The following TCF7L2 variants were observed in gnomAD, a reference collection of about 807,000 sequenced individuals.
The protein encoded by TCF7L2 is transcription factor 7 like 2.
A neutral mutation model predicts 77.9 loss-of-function variants in TCF7L2; 23 were observed. The observed-to-expected ratio is 0.30, with a 90% confidence interval of 0.21 to 0.42. TCF7L2 has a LOEUF of 0.42. Ranked by LOEUF, TCF7L2 falls within the 10% of genes least tolerant of loss-of-function variation. TCF7L2 has a pLI of 1.00. For missense variants in TCF7L2, 654 were observed against 793.1 expected (o/e 0.82, Z 2.11); for synonymous variants, 413 against 340.2 (o/e 1.21, Z -2.36).
intron 8 of TCF7L2, among the ~76,000 whole-genome samples, chr10:113,149,057 T>C (rs1021052778): frequency 3.3e-5 from 5 of 152,184 alleles, no homozygotes; most frequent in African/African-American, 1.2e-4. Context: ...AGGGAACATA[T>C]GTATTTGAGG....
intron 4 of TCF7L2, among the ~76,000 whole-genome samples, chr10:113,023,946 C>T (rs1379459223): frequency 1.3e-5 from 2 of 151,894 alleles, no homozygotes; most frequent in Non-Finnish European, 2.9e-5. Flanking sequence ...GCGTGAGCCA[C>T]TGCGACTTGC....
At chr10:113,038,281 G>A (rs2051721736) in intron 4 of TCF7L2, among the ~76,000 whole-genome samples, 1 of 152,124 alleles carries the variant, frequency 6.6e-6, no homozygotes, top group African/African-American at 2.4e-5. Flanking sequence ...CTGAAGCAAG[G>A]GGAGTCGATG....
chr10:113,154,549 A>G (rs2071444597), intron 11 of TCF7L2, among the ~76,000 whole-genome samples: 1 of 152,098 alleles, frequency 6.6e-6, no homozygotes, highest in African/African-American at 2.4e-5. Context: ...TGCCCCCTGG[A>G]GTTGTGCAGG....
intron 5 of TCF7L2, among the ~76,000 whole-genome samples, chr10:113,051,903 C>A (rs1241033780): frequency 6.6e-6 from 1 of 152,026 alleles, no homozygotes; most frequent in Admixed American, 6.6e-5. Context: ...GAAATACTGC[C>A]CTTTTAGTTG....
intron 5 of TCF7L2, among the ~76,000 whole-genome samples, chr10:113,113,338 C>A (rs2063353600): frequency 6.6e-6 from 1 of 152,158 alleles, no homozygotes; most frequent in Non-Finnish European, 1.5e-5. Flanking sequence ...TATAACTTAC[C>A]AAAGCAACTT....
intron 11 of TCF7L2, among the ~76,000 whole-genome samples, chr10:113,153,486 C>T (rs973912540): frequency 1.3e-5 from 2 of 152,220 alleles, no homozygotes; most frequent in Admixed American, 1.3e-4. Flanking sequence ...GACTCTCCCA[C>T]TGGCATCATC....
chr10:113,082,228 C>T (rs934256186), intron 5 of TCF7L2, among the ~76,000 whole-genome samples: 1 of 151,768 alleles, frequency 6.6e-6, no homozygotes, highest in African/African-American at 2.4e-5. Context: ...CCAGTAAAGC[C>T]TTGACCTTCA....
intron 5 of TCF7L2, among the ~76,000 whole-genome samples, chr10:113,044,924 G>T (rs942396429): frequency 1.2e-4 from 19 of 152,276 alleles, no homozygotes; most frequent in Non-Finnish European, 2.4e-4. Context: ...TGTTTCTGTA[G>T]GAGCGTGTGT....
intron 4 of TCF7L2, among the ~76,000 whole-genome samples, chr10:112,971,823 G>C (rs2134912669): frequency 6.6e-6 from 1 of 151,926 alleles, no homozygotes; most frequent in African/African-American, 2.4e-5. Context: ...ATGTTGGCCA[G>C]GCTAGTCTCA....
At chr10:113,025,031 T>C (rs1041703790) in intron 4 of TCF7L2, among the ~76,000 whole-genome samples, 1 of 152,100 alleles carries the variant, frequency 6.6e-6, no homozygotes, top group Non-Finnish European at 1.5e-5. Context: ...GTGTAGACTT[T>C]TCCACTTGTG....
Position 113,082,597 on chromosome 10 carries a change from T to TTGTG in TCF7L2, c.552+42490_552+42493dup, listed in dbSNP as rs61608659. ...TCAGTAAAAGAAATCTTCATTCTGC[T>TTGTG]TGTGTGTGTGTGTGTGTGTGTGCAC... On this transcript the variant is annotated intron_variant, in intron 5 of 13. Transcript: ENST00000627217. 6.4e-4 allele frequency among the ~76,000 whole-genome samples: 96 copies of TTGTG among 150,008 alleles called. No homozygotes were observed. The South Asian group carries it at 0.01, about 16-fold the overall frequency.
intron 5 of TCF7L2, chr10:113,129,204 C>A: frequency 1.8e-6 from 1 of 562,084 alleles, no homozygotes; most frequent in Non-Finnish European, 2.3e-6. Flanking sequence ...TCCTTTCCTC[C>A]TCCCTCCCCT....
intron 4 of TCF7L2, among the ~76,000 whole-genome samples, chr10:113,022,732 C>G (rs529949947): frequency 2.2e-4 from 34 of 152,116 alleles, no homozygotes; most frequent in Non-Finnish European, 4.0e-4. Context: ...TACCTTACAC[C>G]AGGTACAATG....
At chr10:113,037,108 T>C (rs898729789) in intron 4 of TCF7L2, among the ~76,000 whole-genome samples, 1 of 152,242 alleles carries the variant, frequency 6.6e-6, no homozygotes, top group African/African-American at 2.4e-5. Context: ...ATTTATTTAT[T>C]TTCCCTATTA....
chr10:113,151,198 G>A lies in TCF7L2; in HGVS notation c.1001+75G>A, dbSNP rs2070678007. ...AGCCTGTTGCAGCTGCTGGGTGGTG[G>A]CTTTCTGCCTAAGGTTGGCCTCGTT... On this transcript the variant is annotated intron_variant, in intron 9 of 13. Coordinates refer to ENST00000627217, the MANE Select transcript of TCF7L2 (RefSeq NM_001146274.2). This position sits in a 1 kb window ranked among gnomAD's most constrained non-coding sequence, Gnocchi z 5.2. 1.9e-6 allele frequency: 3 copies of A among 1,600,924 alleles called. No homozygotes were observed. Among genetic ancestry groups the A allele is most frequent in the East Asian group, 4.5e-5 (2 of 44,764 alleles).
At chr10:113,140,289 T>C (rs1389919460) in intron 5 of TCF7L2, among the ~76,000 whole-genome samples, 1 of 151,966 alleles carries the variant, frequency 6.6e-6, no homozygotes, top group African/African-American at 2.4e-5. Context: ...GGAGAATAAT[T>C]TGGGAAAGCC....
chr10:112,992,876 G>A (rs1391153433), intron 4 of TCF7L2, among the ~76,000 whole-genome samples: 2 of 151,688 alleles, frequency 1.3e-5, no homozygotes, highest in Non-Finnish European at 2.9e-5. Flanking sequence ...CGATTCTCCT[G>A]CCTCAGCCTC....
intron 4 of TCF7L2, among the ~76,000 whole-genome samples, chr10:112,980,412 G>A (rs916915829): frequency 2.6e-5 from 4 of 152,130 alleles, no homozygotes; most frequent in Non-Finnish European, 4.4e-5. Flanking sequence ...AAGACCCAGG[G>A]CTACTTAATT....
chr10:113,153,768 T>G (rs1237935123), intron 11 of TCF7L2, among the ~76,000 whole-genome samples: 1 of 152,216 alleles, frequency 6.6e-6, no homozygotes, highest in Non-Finnish European at 1.5e-5. Context: ...TCGGATATCT[T>G]TACTCCCTCA....
Sources: gnomAD v4.1 joint callset for allele counts (sites outside exome capture counted in the v4.1 genomes callset) on GRCh38, gnomAD v4.1.1 for gene constraint, Gnocchi (gnomAD v3.1) non-coding constraint, MANE v1.5 for transcripts, NCBI Gene and HGNC (gene_info 2026-07-23, HGNC 2026-07-21) for gene names.